Variants in MAP4 observed in about 807,000 individuals in gnomAD.
The protein encoded by MAP4 is microtubule associated protein 4, also known as microtubule-associated protein 4.
MAP4 carries 76 observed loss-of-function variants against 170.2 expected under a neutral mutation model. The ratio of observed to expected loss-of-function variants is 0.45; its 90% CI spans 0.37 to 0.54. The LOEUF (loss-of-function observed/expected upper bound fraction) is 0.54, where lower values mean the gene tolerates loss of function less well. MAP4 is among the 20% of genes least tolerant of loss of function. The probability of loss-of-function intolerance (pLI) is 0.00; values close to 1 mark genes in which losing one functional copy is unlikely to be tolerated. For missense variants in MAP4, 2,506 were observed against 2,748.0 expected, an observed-to-expected ratio of 0.91 and a Z score of 1.97; for synonymous variants, 909 against 994.5, an observed-to-expected ratio of 0.91 and a Z score of 1.62.
intron 2 of MAP4, among the ~76,000 whole-genome samples, chr3:47,981,766 CAAA>C (rs909696980): frequency 1.9e-5 from 2 of 106,750 alleles, no homozygotes; most frequent in African/African-American, 3.5e-5. Flanking sequence ...CTCCATCTCC[CAAA>C]AAAAAAAAAA....
intron 3 of MAP4, among the ~76,000 whole-genome samples, chr3:47,946,757 A>G (rs2100060291): frequency 6.6e-6 from 1 of 152,104 alleles, no homozygotes; most frequent in Admixed American, 6.6e-5. Context: ...TGTGATATAC[A>G]AAACAGGAAT....
At position 47,912,020 on chromosome 3, in the gene MAP4, G is replaced by T; in HGVS notation, c.2401C>A (p.Pro801Thr). The T allele has an allele frequency of 1.3e-6, 2 of 1,536,106 alleles. No homozygotes were observed. The highest frequency in any genetic ancestry group is 1.7e-6 in the Non-Finnish European group (2 of 1,146,908). Residue 801 changes from proline to threonine, a missense_variant, in exon 9 of 21, where the codon CCA becomes ACA. Around this residue, in one of 3 missense-constraint regions of MAP4, gnomAD observed 2,008 missense variants for 2,206.0 expected, o/e 0.91. Transcript: ENST00000683076. ...DDNADKPKGH[P>T]FAADTQKSGV... ...GATTTTTGTGTGTCAGCTGCAAATG[G>T]ATGACCTTTAGGCTTATCTGCATTG...
At chr3:48,000,171 C>A (rs1280905298) in intron 1 of MAP4, among the ~76,000 whole-genome samples, 1 of 146,002 alleles carries the variant, frequency 6.8e-6, no homozygotes, top group Admixed American at 7.0e-5. Context: ...ACCGAGGTTG[C>A]GCCACTGCAC....
intron 1 of MAP4, among the ~76,000 whole-genome samples, chr3:48,079,266 C>T (rs966401504): frequency 5.9e-5 from 9 of 152,020 alleles, no homozygotes; most frequent in African/African-American, 1.4e-4. Context: ...TATCTGTATA[C>T]TACAGATATT....
intron 10 of MAP4, among the ~76,000 whole-genome samples, chr3:47,902,734 G>A (rs968205162): frequency 2.0e-5 from 3 of 147,330 alleles, no homozygotes; most frequent in Admixed American, 6.8e-5. Context: ...AGTGGGGTGA[G>A]AGTAATGAGG....
intron 1 of MAP4, among the ~76,000 whole-genome samples, chr3:48,075,974 CAAAAAAA>C (rs60556044): frequency 0.013 from 600 of 47,582 alleles, 9 homozygotes; most frequent in African/African-American, 0.043. Flanking sequence ...AACTCCATCT[CAAAAAAA>C]AAAAAAAAAA....
rs576810046 is a variant in MAP4, at chr3:47,864,153, C to G, written c.6501+3093G>C. ...CCACCTAATGCTGCCAGGCACATGT[C>G]TAATTTAAAATTGCTTTGAAACCCA... On this transcript the variant is annotated intron_variant, in intron 17 of 20. Coordinates refer to ENST00000683076, the MANE Select transcript of MAP4 (RefSeq NM_001385682.1). Among the ~76,000 whole-genome samples, 230 of 152,256 alleles carry G rather than the reference C, an allele frequency of 1.5e-3. 2 individuals carry two copies. Among genetic ancestry groups the G allele is most frequent in the Non-Finnish European group, 3.2e-4 (22 of 68,026 alleles).
At chr3:47,889,109 AAG>A (rs761186767) in intron 10 of MAP4, among the ~76,000 whole-genome samples, 4 of 152,250 alleles carry the variant, frequency 2.6e-5, no homozygotes, top group Non-Finnish European at 5.9e-5. Flanking sequence ...GGGAAGCAAA[AAG>A]AGATGACAGA....
chr3:47,987,382 C>G, intron 2 of MAP4: 10 of 1,531,252 alleles, frequency 6.5e-6, no homozygotes, highest in Non-Finnish European at 8.7e-6. Flanking sequence ...AAAGCACTTA[C>G]CAAGAGGAAG....
chr3:47,930,754 C>T (rs2100049292), intron 3 of MAP4, among the ~76,000 whole-genome samples: 1 of 151,682 alleles, frequency 6.6e-6, no homozygotes, highest in African/African-American at 2.4e-5. Flanking sequence ...CAGTGAAACC[C>T]TGTCTACTAC....
chr3:47,969,480 A>G (rs1416227260), intron 3 of MAP4, among the ~76,000 whole-genome samples: 1 of 152,074 alleles, frequency 6.6e-6, no homozygotes, highest in African/African-American at 2.4e-5. Context: ...TTTCCTCTAC[A>G]GAGTTGAAGG....
At chr3:47,881,862 T>A (rs1164774888) in intron 10 of MAP4, among the ~76,000 whole-genome samples, 1 of 152,080 alleles carries the variant, frequency 6.6e-6, no homozygotes, top group East Asian at 1.9e-4. Context: ...TGCCTCAGCC[T>A]CCTAAAGGGA....
At chr3:48,050,541 G>A (rs1309091469) in intron 1 of MAP4, among the ~76,000 whole-genome samples, 1 of 150,930 alleles carries the variant, frequency 6.6e-6, no homozygotes, top group Non-Finnish European at 1.5e-5. Flanking sequence ...GAAAGATTCG[G>A]TTTTCATTTA....
chr3:47,896,613 A>G (rs2100027024), intron 10 of MAP4, among the ~76,000 whole-genome samples: 1 of 152,140 alleles, frequency 6.6e-6, no homozygotes, highest in Non-Finnish European at 1.5e-5. Context: ...AGGGAATCTG[A>G]TGTGTAGTAA....
rs560292598 is a variant in MAP4 at position 47,918,815 on chromosome 3, C to T, written c.556G>A (p.Val186Ile). The T allele has an allele frequency of 6.2e-7, 1 of 1,613,228 alleles. No individual in the cohort carries two copies. Among genetic ancestry groups the T allele is most frequent in the Admixed American group, 1.7e-5 (1 of 60,012 alleles). Residue 186 changes from valine to isoleucine, a missense_variant, in exon 6 of 21, where the codon GTA (valine) becomes ATA (isoleucine). Physicochemically the swap from Val to Ile is conservative, Grantham distance 29. Around this residue, in one of 3 missense-constraint regions of MAP4, gnomAD observed 2,008 missense variants for 2,206.0 expected, o/e 0.91. Transcript: ENST00000683076. Reference protein sequence around the residue: ...YGMSPCNTAVVPQGWSVEALN... With the variant: ...YGMSPCNTAVIPQGWSVEALN... The stretch of plus-strand genomic sequence containing the variant: ...GCTTCCACAGACCACCCCTGAGGTA[C>T]AACAGCTGTGTTGCAGGGAGACATA...
At chr3:48,066,531 C>T (rs2100138294) in intron 1 of MAP4, among the ~76,000 whole-genome samples, 1 of 152,048 alleles carries the variant, frequency 6.6e-6, no homozygotes, top group African/African-American at 2.4e-5. Context: ...TTTCACTCTG[C>T]CTCCCAGGCT....
intron 4 of MAP4, among the ~76,000 whole-genome samples, chr3:47,927,158 CA>C (rs544565652): frequency 2.3e-3 from 240 of 105,686 alleles, no homozygotes; most frequent in Middle Eastern, 5.6e-3. Context: ...GACTCTGTCT[CA>C]AAAAAAAAAA....
chr3:47,893,774 T>TAAA (rs529755825), intron 10 of MAP4, among the ~76,000 whole-genome samples: 25 of 150,094 alleles, frequency 1.7e-4, no homozygotes, highest in African/African-American at 5.4e-4. Flanking sequence ...TTTTTTTTTT[T>TAAA]AAAAAAAGGC....
At chr3:48,006,822 CAAGTGGTG>C (rs1220550147) in intron 1 of MAP4, among the ~76,000 whole-genome samples, 1 of 152,180 alleles carries the variant, frequency 6.6e-6, no homozygotes, top group Non-Finnish European at 1.5e-5. Context: ...TAAGCTTAAC[CAAGTGGTG>C]ACTCCAATTG....
Sources: gnomAD v4.1 joint callset for allele counts (sites outside exome capture counted in the v4.1 genomes callset) on GRCh38, gnomAD v4.1.1 for gene constraint, gnomAD v4.1.1 regional missense constraint, MANE v1.5 for transcripts, NCBI Gene and HGNC (gene_info 2026-07-23, HGNC 2026-07-21) for gene names.